SHANK2: variants seen among roughly 807,000 people sequenced by gnomAD.
SHANK2 encodes SH3 and multiple ankyrin repeat domains 2, also known as SH3 and multiple ankyrin repeat domains protein 2.
In SHANK2, 43 loss-of-function variants were observed where a neutral mutation model predicts 133.7. The ratio of observed to expected loss-of-function variants is 0.32; its 90% confidence interval spans 0.25 to 0.41. The LOEUF is 0.41. Ranked by LOEUF, SHANK2 falls within the 10% of genes least tolerant of loss-of-function variation. The pLI, the probability that SHANK2 is intolerant of heterozygous loss-of-function variation, is 1.00. For missense variants in SHANK2, 1,994 were observed against 2,235.8 expected, an observed-to-expected ratio of 0.89 and a Z score of 2.18; for synonymous variants, 1,017 against 952.8, an observed-to-expected ratio of 1.07 and a Z score of -1.24.
chr11:70,577,102 C>A (rs1013492342), intron 17 of SHANK2, among the ~76,000 whole-genome samples: 1 of 152,334 alleles, frequency 6.6e-6, no homozygotes, highest in African/African-American at 2.4e-5. Flanking sequence ...CATCACCAGA[C>A]GCCAGCCTCT....
chr11:70,813,416 C>A (rs1948319095), intron 12 of SHANK2, among the ~76,000 whole-genome samples: 1 of 152,118 alleles, frequency 6.6e-6, no homozygotes, highest in African/African-American at 2.4e-5. Context: ...TGGACCGGAG[C>A]AGACAGAAGG....
intron 6 of SHANK2, among the ~76,000 whole-genome samples, chr11:71,102,731 C>T (rs1264826595): frequency 1.3e-5 from 2 of 152,232 alleles, no homozygotes; most frequent in African/African-American, 4.8e-5. Context: ...CAAGAGACCC[C>T]TGTTCGTCCC....
intron 8 of SHANK2, among the ~76,000 whole-genome samples, chr11:71,082,030 A>G (rs1951307905): frequency 6.6e-6 from 1 of 152,148 alleles, no homozygotes. Context: ...AAGGCTGCCA[A>G]GCACATGCCA....
In SHANK2 at chr11:70,636,430, T is replaced by C. The variant is rs974870953; in HGVS notation, c.2061+23398A>G. Among the ~76,000 whole-genome samples the C allele has an allele frequency of 1.7e-4, 26 of 152,140 alleles. 1 individual carries two copies. Among genetic ancestry groups the C allele is most frequent in the African/African-American group, 5.1e-4 (21 of 41,434 alleles). ...GCATGTGTGAGCATGTGTGCAAGTG[T>C]GTGAGCATATGAATATGTGTGAGCA... On this transcript the variant is annotated intron_variant, in intron 17 of 25. Transcript: ENST00000601538.
chr11:70,592,031 T>TA (rs1394980244), intron 17 of SHANK2, among the ~76,000 whole-genome samples: 90 of 145,812 alleles, frequency 6.2e-4, no homozygotes, highest in South Asian at 1.6e-3. Flanking sequence ...AGACTCCGTC[T>TA]AAAAAAAAAA....
intron 17 of SHANK2, among the ~76,000 whole-genome samples, chr11:70,531,772 G>A (rs2059476255): frequency 6.6e-6 from 1 of 152,332 alleles, no homozygotes; most frequent in Admixed American, 6.5e-5. Flanking sequence ...GGGGCTGGAA[G>A]TGGCTTCTCC....
intron 9 of SHANK2, among the ~76,000 whole-genome samples, chr11:71,069,708 A>C (rs1951118027): frequency 6.6e-6 from 1 of 152,214 alleles, no homozygotes; most frequent in African/African-American, 2.4e-5. Context: ...ACAGCATAGC[A>C]AGGCAAGGCA....
chr11:70,732,053 T>C (rs1316976127), intron 14 of SHANK2, among the ~76,000 whole-genome samples: 1 of 152,106 alleles, frequency 6.6e-6, no homozygotes, highest in East Asian at 1.9e-4. Context: ...ACCCCCAGGG[T>C]GACCTGCTCA....
At chr11:71,231,446 AACC>A (rs1954739519) in intron 1 of SHANK2, among the ~76,000 whole-genome samples, 2 of 152,242 alleles carry the variant, frequency 1.3e-5, no homozygotes, top group African/African-American at 2.4e-5. Flanking sequence ...GCCGGTGGAA[AACC>A]TGGATCTTAC....
At chr11:70,509,225 G>A (rs1554968899) in intron 17 of SHANK2, among the ~76,000 whole-genome samples, 1 of 152,202 alleles carries the variant, frequency 6.6e-6, no homozygotes, top group African/African-American at 2.4e-5. Context: ...CAGCCACAGT[G>A]CATCTCTGTC....
chr11:70,870,997 C>G (rs797042141), intron 11 of SHANK2, among the ~76,000 whole-genome samples: 1 of 152,134 alleles, frequency 6.6e-6, no homozygotes, highest in Admixed American at 6.5e-5. Context: ...AGGCTGGTCT[C>G]GAACTCCTGA....
At chr11:70,542,431 G>A (rs538365822) in intron 17 of SHANK2, among the ~76,000 whole-genome samples, 2 of 152,278 alleles carry the variant, frequency 1.3e-5, no homozygotes, top group South Asian at 4.1e-4. Context: ...CTCCCCTAGA[G>A]CCTAGAGGGG....
At chr11:70,880,838 T>C (rs150703838) in intron 11 of SHANK2, among the ~76,000 whole-genome samples, 1 of 152,252 alleles carries the variant, frequency 6.6e-6, no homozygotes, top group African/African-American at 2.4e-5. Flanking sequence ...AGGATAGAGC[T>C]CCCAGGGCCA....
intron 14 of SHANK2, among the ~76,000 whole-genome samples, chr11:70,793,088 G>A (rs1441444245): frequency 3.9e-5 from 6 of 151,986 alleles, no homozygotes; most frequent in Admixed American, 1.3e-4. Context: ...CACTAACGTG[G>A]AAGAAAAAAA....
chr11:70,497,536 G>A (rs1279710326), intron 21 of SHANK2, among the ~76,000 whole-genome samples: 9 of 152,194 alleles, frequency 5.9e-5, no homozygotes, highest in Non-Finnish European at 1.2e-4. Flanking sequence ...AGCCCTCTGA[G>A]CAAACGTGTG....
At chr11:71,130,336 A>T (rs1266922250) in intron 3 of SHANK2, among the ~76,000 whole-genome samples, 1 of 152,214 alleles carries the variant, frequency 6.6e-6, no homozygotes, top group African/African-American at 2.4e-5. Flanking sequence ...ACCAGCGCCG[A>T]AAAGTATCCG....
chr11:70,941,601 TGG>T (rs1181348240), intron 10 of SHANK2, among the ~76,000 whole-genome samples: 1 of 151,900 alleles, frequency 6.6e-6, no homozygotes, highest in Non-Finnish European at 1.5e-5. Context: ...GTCATGAGGG[TGG>T]GGCCCCACGA....
At chr11:70,636,886 G>C (rs2061108110) in intron 17 of SHANK2, among the ~76,000 whole-genome samples, 1 of 152,204 alleles carries the variant, frequency 6.6e-6, no homozygotes, top group African/African-American at 2.4e-5. Context: ...GCACATGGTA[G>C]CATGTGTGCA....
chr11:70,793,401 G>C (rs1211322036), intron 14 of SHANK2, among the ~76,000 whole-genome samples: 2 of 152,150 alleles, frequency 1.3e-5, no homozygotes, highest in African/African-American at 4.8e-5. Context: ...ACTGTAGTTA[G>C]AAAATGAAAA....
Sources: gnomAD v4.1 joint callset for allele counts (sites outside exome capture counted in the v4.1 genomes callset) on GRCh38, gnomAD v4.1.1 for gene constraint, MANE v1.5 for transcripts, NCBI Gene and HGNC (gene_info 2026-07-23, HGNC 2026-07-21) for gene names.